IGSF21: variants seen among roughly 807,000 people sequenced by gnomAD.
IGSF21 encodes the protein immunoglobin superfamily member 21, also known as immunoglobulin superfamily member 21.
A neutral mutation model predicts 46.8 loss-of-function variants in IGSF21; 28 were observed. The observed-to-expected ratio is 0.60, with a 90% CI of 0.44 to 0.82. IGSF21 has a LOEUF of 0.82. IGSF21 is among the 40% of genes least tolerant of loss of function. IGSF21 has a pLI of 0.00. For missense variants in IGSF21, 624 were observed against 665.5 expected (o/e 0.94, Z 0.69); for synonymous variants, 284 against 273.6 (o/e 1.04, Z -0.38).
intron 1 of IGSF21, among the ~76,000 whole-genome samples, chr1:18,163,170 G>A (rs2086643836): frequency 6.6e-6 from 1 of 152,062 alleles, no homozygotes; most frequent in Admixed American, 6.5e-5. Flanking sequence ...CTTCACTTCT[G>A]TGAGCCCGTT....
At chr1:18,206,719 C>T (rs1379850069) in intron 1 of IGSF21, among the ~76,000 whole-genome samples, 1 of 152,138 alleles carries the variant, frequency 6.6e-6, no homozygotes, top group Non-Finnish European at 1.5e-5. Flanking sequence ...CTGGGTGCCT[C>T]ACCGCACAGG....
intron 6 of IGSF21, among the ~76,000 whole-genome samples, chr1:18,369,496 C>T (rs771270880): frequency 6.6e-6 from 1 of 152,182 alleles, no homozygotes; most frequent in Non-Finnish European, 1.5e-5. Context: ...CATTCTTAAC[C>T]ACTGTGCTCT....
chr1:18,143,207 G>A (rs933007741), intron 1 of IGSF21, among the ~76,000 whole-genome samples: 5 of 152,188 alleles, frequency 3.3e-5, no homozygotes, highest in Non-Finnish European at 7.3e-5. Flanking sequence ...GAGTGCAGCC[G>A]TGATTTAATC....
In IGSF21 at chr1:18,291,862, G is replaced by A. The variant is rs1303500382; in HGVS notation, c.184-4G>A. ...CGTGTGGCTATCTCTGTGCTCTGTG[G>A]CAGGTGACGGATGGTGGCACCATCA... On this transcript the variant is annotated splice_polypyrimidine_tract_variant and splice_region_variant and intron_variant, in intron 2 of 9. Coordinates refer to ENST00000251296, the MANE Select transcript of IGSF21 (RefSeq NM_032880.5). The A allele has an allele frequency of 3.7e-6, 6 of 1,613,666 alleles. No homozygotes were observed. The East Asian group carries it at 1.1e-4, about 30-fold the overall frequency.
chr1:18,297,112 G>A (rs567334201), intron 3 of IGSF21, among the ~76,000 whole-genome samples: 5 of 151,988 alleles, frequency 3.3e-5, no homozygotes, highest in African/African-American at 1.2e-4. Flanking sequence ...GAGTCTGCCC[G>A]CCCCCCCACT....
intron 1 of IGSF21, chr1:18,167,796 ACT>A (rs754903016): frequency 5.3e-5 from 8 of 151,006 alleles, no homozygotes; most frequent in Non-Finnish European, 8.9e-5. Flanking sequence ...CCCACTGAAC[ACT>A]CTCTGTTCCC....
At chr1:18,182,705 T>G (rs541129326) in intron 1 of IGSF21, among the ~76,000 whole-genome samples, 2 of 152,376 alleles carry the variant, frequency 1.3e-5, no homozygotes, top group South Asian at 4.1e-4. Context: ...AACTCTTTCC[T>G]GAGTTCTGTC....
chr1:18,283,076 G>C (rs1334288415), intron 2 of IGSF21, among the ~76,000 whole-genome samples: 3 of 152,208 alleles, frequency 2.0e-5, no homozygotes, highest in African/African-American at 7.2e-5. Context: ...ACTTGCAGGA[G>C]CACCTGCCCA....
chr1:18,178,862 T>G (rs1327548526), intron 1 of IGSF21, among the ~76,000 whole-genome samples: 1 of 152,188 alleles, frequency 6.6e-6, no homozygotes, highest in African/African-American at 2.4e-5. Flanking sequence ...GGGATGCTTA[T>G]TCTCCGCCCT....
At chr1:18,142,675 G>C (rs901495046) in intron 1 of IGSF21, among the ~76,000 whole-genome samples, 3 of 152,164 alleles carry the variant, frequency 2.0e-5, no homozygotes, top group Admixed American at 6.5e-5. Flanking sequence ...GCCTGGCCAG[G>C]CATTAGGCAA....
At chr1:18,185,168 C>CA (rs2086891747) in intron 1 of IGSF21, among the ~76,000 whole-genome samples, 1 of 152,106 alleles carries the variant, frequency 6.6e-6, no homozygotes, top group Admixed American at 6.6e-5. Context: ...AATGTAGGTC[C>CA]AACACTCTGG....
At chr1:18,248,827 G>A (rs1311021850) in intron 2 of IGSF21, among the ~76,000 whole-genome samples, 1 of 152,112 alleles carries the variant, frequency 6.6e-6, no homozygotes, top group African/African-American at 2.4e-5. Flanking sequence ...CACCCAAGGA[G>A]CTTACATCCT....
intron 3 of IGSF21, among the ~76,000 whole-genome samples, chr1:18,312,778 C>T (rs2085501785): frequency 1.3e-5 from 2 of 152,204 alleles, no homozygotes; most frequent in African/African-American, 2.4e-5. Context: ...CCTTCTGCCA[C>T]TAAGGAAACA....
intron 1 of IGSF21, among the ~76,000 whole-genome samples, chr1:18,193,733 G>A (rs1032594990): frequency 1.3e-5 from 2 of 152,122 alleles, no homozygotes; most frequent in Non-Finnish European, 2.9e-5. Flanking sequence ...ACTCACCCAG[G>A]ATTAATACTT....
At chr1:18,341,081 TCC>T (rs772232192) in intron 4 of IGSF21, among the ~76,000 whole-genome samples, 1 of 80,276 alleles carries the variant, frequency 1.2e-5, no homozygotes, top group Admixed American at 1.4e-4. Flanking sequence ...CTTCTTCTCC[TCC>T]TCCTCCTCCT....
chr1:18,154,825 T>TCCTTTCACTTC (rs780249979), intron 1 of IGSF21, among the ~76,000 whole-genome samples: 1 of 152,006 alleles, frequency 6.6e-6, no homozygotes, highest in Non-Finnish European at 1.5e-5. Context: ...CCCTTCATTT[T>TCCTTTCACTTC]CCTTTCACTT....
At position 18,195,146 on chromosome 1, in the gene IGSF21, C is replaced by T. The variant is rs548308351; in HGVS notation, c.71-32752C>T. On this transcript the variant is annotated intron_variant, in intron 1 of 9. Transcript: ENST00000251296. ...GATTTGGGTAGGGACACAGCCAAAC[C>T]GTATCACGCCCCCACTTCACAGAGC... Among the ~76,000 whole-genome samples, 66 of 152,266 alleles carry T rather than the reference C, an allele frequency of 4.3e-4. No individual in the cohort carries two copies. In the South Asian group the frequency reaches 4.4e-3, roughly 10 times the overall value.
chr1:18,236,171 G>C (rs1333341851), intron 2 of IGSF21, among the ~76,000 whole-genome samples: 2 of 152,140 alleles, frequency 1.3e-5, no homozygotes, highest in African/African-American at 4.8e-5. Context: ...ATGTGTCAAG[G>C]GTGGGGCCAG....
chr1:18,201,900 G>A (rs1200802884), intron 1 of IGSF21, among the ~76,000 whole-genome samples: 1 of 152,150 alleles, frequency 6.6e-6, no homozygotes, highest in Admixed American at 6.5e-5. Flanking sequence ...CTCTAATCTT[G>A]ATTAAACCCA....
Sources: allele counts gnomAD v4.1 joint callset (sites outside exome capture counted in the v4.1 genomes callset), GRCh38; gene constraint gnomAD v4.1.1; transcripts MANE v1.5; gene names NCBI Gene and HGNC (gene_info 2026-07-23, HGNC 2026-07-21).